Variants in RAB43 observed in about 807,000 individuals in gnomAD.
RAB43 encodes the protein RAB43, member RAS oncogene family.
In RAB43, 6 loss-of-function variants were observed where a neutral mutation model predicts 18.8. The ratio of observed to expected loss-of-function variants is 0.32; its 90% CI spans 0.17 to 0.63. RAB43 has a LOEUF of 0.63. RAB43 is among the 30% of genes least tolerant of loss of function. The pLI is 0.79. For synonymous variants in RAB43, 103 were observed against 124.1 expected, an observed-to-expected ratio of 0.83 and a Z score of 1.13; for missense variants, 195 against 289.1, an observed-to-expected ratio of 0.67 and a Z score of 2.36.
At chr3:129,109,791 G>A (rs959308372) in intron 1 of RAB43, among the ~76,000 whole-genome samples, 2 of 151,624 alleles carry the variant, frequency 1.3e-5, no homozygotes, top group African/African-American at 4.8e-5. Context: ...TTAAGTCTAA[G>A]TAACTTGGTA....
At position 129,107,806 on chromosome 3, in the gene RAB43, T is replaced by G. The variant is rs191252647; in HGVS notation, c.205-12637A>C. On this transcript the variant is annotated intron_variant, in intron 1 of 2. Coordinates refer to ENST00000315150, the MANE Select transcript of RAB43 (RefSeq NM_198490.3). The surrounding 1 kb of genome is among the most constrained non-coding windows in gnomAD (Gnocchi z 4.2). The stretch of plus-strand genomic sequence containing the variant: ...CTGAACAACCCCAACCCTCAAACCA[T>G]CCCTCCAGTTCCCTGCTACTTTGGT... Among the ~76,000 whole-genome samples, 33 of 151,944 alleles carry G rather than the reference T, an allele frequency of 2.2e-4. No homozygotes were observed. The highest frequency in any genetic ancestry group is 4.0e-4 in the Non-Finnish European group (27 of 67,950).
intron 1 of RAB43, among the ~76,000 whole-genome samples, chr3:129,100,253 C>T (rs1348720634): frequency 6.6e-6 from 1 of 152,180 alleles, no homozygotes; most frequent in Non-Finnish European, 1.5e-5. Context: ...AAAAAACTCT[C>T]AATGCTGAAG....
chr3:129,095,277 G>A lies in RAB43; in HGVS notation c.205-108C>T. On this transcript the variant is annotated intron_variant, in intron 1 of 2. Transcript: ENST00000315150. The surrounding 1 kb of genome is among the most constrained non-coding windows in gnomAD (Gnocchi z 4.2). ...CAGAGCTGTGGTTCCACTGGGCTAG[G>A]AGGCCTTCTGAGTCCTTAGAAAGCA... is the stretch of plus-strand genomic sequence containing the variant. 8.4e-6 allele frequency: 12 copies of A among 1,424,816 alleles called. No homozygotes were observed. The highest frequency in any genetic ancestry group is 1.4e-5 in the South Asian group (1 of 69,452). The allele number at this position is 1,424,816 out of a possible 1,614,324, so 88.3% of individuals were successfully genotyped here. A position where few individuals can be genotyped will look rare whatever the true frequency, so the allele number is the denominator to read the frequency against.
chr3:129,099,879 T>C (rs1934311106), intron 1 of RAB43, among the ~76,000 whole-genome samples: 1 of 152,130 alleles, frequency 6.6e-6, no homozygotes, highest in Non-Finnish European at 1.5e-5. Context: ...CGGAAGGATA[T>C]GTGAGATAAT....
chr3:129,117,032 A>T lies in RAB43; in HGVS notation c.204+4254T>A, dbSNP rs749589060. ...AAAACAGTAACTGCAGCAATAAAAA[A>T]ATATATATTTATAAATCCTTGTTTT... On this transcript the variant is annotated intron_variant, in intron 1 of 2. Transcript: ENST00000315150. Among the ~76,000 whole-genome samples, 9 of 152,288 alleles carry T rather than the reference A, an allele frequency of 5.9e-5. No homozygotes were observed. The South Asian group carries it at 8.3e-4, about 14-fold the overall frequency.
At chr3:129,116,566 C>T (rs192735037) in intron 1 of RAB43, among the ~76,000 whole-genome samples, 3 of 152,340 alleles carry the variant, frequency 2.0e-5, no homozygotes, top group African/African-American at 4.8e-5. Context: ...TCTTATCCCG[C>T]CCTGCCCCCT....
chr3:129,102,728 T>A (rs892129905), intron 1 of RAB43, among the ~76,000 whole-genome samples: 5 of 151,520 alleles, frequency 3.3e-5, no homozygotes, highest in Non-Finnish European at 5.9e-5. Context: ...ACTTCACCCA[T>A]GCCTACTATA....
chr3:129,121,154 G>C (rs1192414711), intron 1 of RAB43, 132 bp downstream of exon 1: 3 of 817,194 alleles, frequency 3.7e-6, no homozygotes, highest in African/African-American at 3.7e-5. Flanking sequence ...GCTCCGACCC[G>C]AGGAAGGAAA....
intron 1 of RAB43, among the ~76,000 whole-genome samples, chr3:129,115,615 T>G (rs1935474265): frequency 6.6e-6 from 1 of 150,968 alleles, no homozygotes; most frequent in African/African-American, 2.4e-5. Context: ...AGGTCAGGAG[T>G]TTGAGACCAG....
chr3:129,121,649 G>A lies in RAB43; in HGVS notation c.-160C>T, dbSNP rs1935942318. The A allele has an allele frequency of 2.0e-6, 1 of 511,178 alleles. No individual in the cohort carries two copies. Among genetic ancestry groups the A allele is most frequent in the South Asian group, 3.5e-5 (1 of 28,278 alleles). The allele number at this position is 511,178 out of a possible 1,614,324, so 31.7% of individuals were successfully genotyped here. A position where few individuals can be genotyped will look rare whatever the true frequency, so the allele number is the denominator to read the frequency against. ...CCCAGCACTGCCGACCGCCTGCCTC[G>A]GCCTCGGCCCCGCCCCACCCCGGCT... On this transcript the variant is annotated 5_prime_UTR_variant, in exon 1 of 3. Transcript: ENST00000315150.
chr3:129,112,604 G>A (rs1233943634), intron 1 of RAB43, among the ~76,000 whole-genome samples: 1 of 152,148 alleles, frequency 6.6e-6, no homozygotes, highest in Non-Finnish European at 1.5e-5. Flanking sequence ...TTTAAGAGAC[G>A]TCACCTCAGA....
chr3:129,095,713 C>A lies in RAB43; in HGVS notation c.205-544G>T, dbSNP rs566914082. Among the ~76,000 whole-genome samples, 99 of 152,278 alleles carry A rather than the reference C, an allele frequency of 6.5e-4. No individual in the cohort carries two copies. The highest frequency in any genetic ancestry group is 2.3e-3 in the African/African-American group (95 of 41,566). On this transcript the variant is annotated intron_variant, in intron 1 of 2. Transcript: ENST00000315150. This position sits in a 1 kb window ranked among gnomAD's most constrained non-coding sequence, Gnocchi z 4.2. Reference sequence around the variant, plus strand: ...CAATGGGCAGAGTCCTCCCATGGGGCCTTTAAGTACAAGGCAGTTTCCACC... The same window carrying A: ...CAATGGGCAGAGTCCTCCCATGGGGACTTTAAGTACAAGGCAGTTTCCACC...
In RAB43 at chr3:129,121,536, C is replaced by T; in HGVS notation, c.-47G>A. On this transcript the variant is annotated 5_prime_UTR_variant, in exon 1 of 3. Transcript: ENST00000315150. ...CCGGCGCTCTGGACGCTGGGACCGG[C>T]CTGAGCTCACGCAAGCCGCGGGCCG... The T allele has an allele frequency of 6.7e-7, 1 of 1,492,418 alleles. No individual in the cohort carries two copies. The highest frequency in any genetic ancestry group is 9.0e-7 in the Non-Finnish European group (1 of 1,111,210). 92.4% of individuals were successfully genotyped at this position (1,492,418 alleles called of 1,614,324 possible). A position where few individuals can be genotyped will look rare whatever the true frequency, so the allele number is the denominator to read the frequency against.
intron 1 of RAB43, among the ~76,000 whole-genome samples, chr3:129,116,006 T>TTAA (rs1211027121): frequency 6.6e-6 from 1 of 152,232 alleles, no homozygotes; most frequent in Non-Finnish European, 1.5e-5. Context: ...CTTATTTTAC[T>TTAA]TAATAATGGC....
chr3:129,095,886 A>G lies in RAB43; in HGVS notation c.205-717T>C, dbSNP rs1014423315. The stretch of plus-strand genomic sequence containing the variant: ...CTTCCCTAGTGTCTTTTAGAAGCAG[A>G]GTCTGGCAGGATGGATACCAGGCCA... On this transcript the variant is annotated intron_variant, in intron 1 of 2. Coordinates refer to ENST00000315150, the MANE Select transcript of RAB43 (RefSeq NM_198490.3). The surrounding 1 kb of genome is among the most constrained non-coding windows in gnomAD (Gnocchi z 4.2). Among the ~76,000 whole-genome samples, 8 of 152,214 alleles carry G rather than the reference A, an allele frequency of 5.3e-5. No individual in the cohort carries two copies. The highest frequency in any genetic ancestry group is 1.3e-4 in the Admixed American group (2 of 15,286).
intron 1 of RAB43, among the ~76,000 whole-genome samples, chr3:129,101,273 A>T (rs1934398129): frequency 6.6e-6 from 1 of 152,244 alleles, no homozygotes. Flanking sequence ...AAGGAACTTA[A>T]ATGCAAAAGA....
Position 129,100,646 on chromosome 3 carries a change from G to C in RAB43, c.205-5477C>G, listed in dbSNP as rs534675384. ...GGCAGTAATGGAGAAGATATTTTGG[G>C]AAAGTAGACCCTTCCCATGGCTGGT... On this transcript the variant is annotated intron_variant, in intron 1 of 2. Coordinates refer to ENST00000315150, the MANE Select transcript of RAB43 (RefSeq NM_198490.3). Among the ~76,000 whole-genome samples the C allele has an allele frequency of 3.3e-5, 5 of 152,278 alleles. No individual in the cohort carries two copies. In the South Asian group the frequency reaches 1.0e-3, roughly 32 times the overall value.
intron 2 of RAB43, 114 bp from the exon 3 acceptor site, chr3:129,091,460 C>A: frequency 7.6e-7 from 1 of 1,314,244 alleles, no homozygotes; most frequent in Non-Finnish European, 1.0e-6. Flanking sequence ...TATAAATGGA[C>A]ACCCCTGGCA....
chr3:129,092,880 C>T (rs1323172730), intron 2 of RAB43, among the ~76,000 whole-genome samples: 1 of 151,292 alleles, frequency 6.6e-6, no homozygotes, highest in African/African-American at 2.4e-5. Context: ...GGTGTGAACC[C>T]AGGAGGCAGA....
Sources: gnomAD v4.1 joint callset for allele counts (sites outside exome capture counted in the v4.1 genomes callset) on GRCh38, gnomAD v4.1.1 for gene constraint, Gnocchi (gnomAD v3.1) non-coding constraint, MANE v1.5 for transcripts, NCBI Gene and HGNC (gene_info 2026-07-23, HGNC 2026-07-21) for gene names.